UBXN7: variants seen among roughly 807,000 people sequenced by gnomAD.
The protein encoded by UBXN7 is UBX domain protein 7.
A neutral mutation model predicts 58.0 loss-of-function variants in UBXN7; 9 were observed. The observed-to-expected ratio is 0.16, with a 90% CI of 0.09 to 0.27. The LOEUF (loss-of-function observed/expected upper bound fraction) is 0.27. UBXN7 is among the 10% of genes least tolerant of loss of function. The pLI is 1.00. For missense variants in UBXN7, 328 were observed against 599.6 expected (o/e 0.55, Z 4.73); for synonymous variants, 208 against 205.0 (o/e 1.01, Z -0.12).
At chr3:196,391,763 G>A (rs1729590260) in intron 5 of UBXN7, 50 bp downstream of exon 5, 2 of 1,426,716 alleles carry the variant, frequency 1.4e-6, no homozygotes, top group Non-Finnish European at 1.9e-6. Context: ...AAAAGGCATT[G>A]AAAATGCAAA....
At position 196,371,941 on chromosome 3, in the gene UBXN7, G is replaced by A. The variant is rs781192827; in HGVS notation, c.570C>T (p.Asn190=). Residue 190 remains asparagine, a synonymous_variant, in exon 6 of 11, where the codon AAC becomes AAT. Coordinates refer to ENST00000296328, the MANE Select transcript of UBXN7 (RefSeq NM_015562.2). ...CCCGGATAATATTCTTCACAGCTTC[G>A]TTGCTCCACACATCGCGGTTGAGGC... ...CQCLNRDVWS[N]EAVKNIIREH... is the part of the protein sequence containing the mutation. 16 of 1,613,524 alleles carry A rather than the reference G, an allele frequency of 9.9e-6. No individual in the cohort carries two copies. The highest frequency in any genetic ancestry group is 3.3e-5 in the Admixed American group (2 of 59,852).
intron 10 of UBXN7, among the ~76,000 whole-genome samples, chr3:196,361,357 C>T (rs1475964349): frequency 6.6e-6 from 1 of 152,206 alleles, no homozygotes; most frequent in Non-Finnish European, 1.5e-5. Flanking sequence ...GCTTTTAACA[C>T]TGTTGAAATG....
chr3:196,368,988 A>C (rs920320257), intron 7 of UBXN7, among the ~76,000 whole-genome samples: 1 of 152,004 alleles, frequency 6.6e-6, no homozygotes. Flanking sequence ...ATGCCCGGCT[A>C]ATTTTTTTTG....
Position 196,369,402 on chromosome 3 carries a change from G to T in UBXN7, c.706+19C>A, listed in dbSNP as rs780566601. ...AGACAAGTAATAGGTTAAAAGCTGC[G>T]TGCTGATATAAATCTTACCTGTCCG... On this transcript the variant is annotated intron_variant, in intron 7 of 10. Transcript: ENST00000296328. 1 of 1,555,508 alleles carries T rather than the reference G, an allele frequency of 6.4e-7. No homozygotes were observed. Among genetic ancestry groups the T allele is most frequent in the Non-Finnish European group, 8.9e-7 (1 of 1,129,758 alleles).
intron 2 of UBXN7, among the ~76,000 whole-genome samples, chr3:196,406,432 C>T (rs1156684601): frequency 2.0e-5 from 3 of 151,780 alleles, no homozygotes; most frequent in Non-Finnish European, 2.9e-5. Context: ...AAAAACTCTA[C>T]ACAATATTAT....
intron 8 of UBXN7, among the ~76,000 whole-genome samples, chr3:196,364,523 TAACA>T (rs1728601600): frequency 6.6e-6 from 1 of 152,024 alleles, no homozygotes; most frequent in East Asian, 1.9e-4. Context: ...CGAAATTAGC[TAACA>T]AAGAGGCTCA....
chr3:196,366,021 G>C (rs542244646), intron 8 of UBXN7, among the ~76,000 whole-genome samples: 1 of 152,196 alleles, frequency 6.6e-6, no homozygotes, highest in African/African-American at 2.4e-5. Context: ...ACATTATAAA[G>C]CATTACATGG....
At chr3:196,400,236 T>C (rs952712945) in intron 3 of UBXN7, 3 of 151,874 alleles carry the variant, frequency 2.0e-5, no homozygotes, top group African/African-American at 7.3e-5. Context: ...TTAGTATTAT[T>C]ACGTAAGTTG....
At chr3:196,403,169 G>T (rs1730046102) in intron 2 of UBXN7, 150 bp from the exon 3 acceptor site, 2 of 794,996 alleles carry the variant, frequency 2.5e-6, no homozygotes, top group Non-Finnish European at 3.8e-6. Context: ...TTTTTGGGGG[G>T]GCGGTGGAGA....
intron 7 of UBXN7, among the ~76,000 whole-genome samples, chr3:196,369,022 C>T (rs1323695279): frequency 6.6e-6 from 1 of 152,118 alleles, no homozygotes; most frequent in Non-Finnish European, 1.5e-5. Context: ...GATGGGGTTT[C>T]ACCGTGTTAG....
chr3:196,417,723 TTAAAAAAAAAAAAAAAAAAA>T (rs1730543265), intron 1 of UBXN7, among the ~76,000 whole-genome samples: 1 of 78,438 alleles, frequency 1.3e-5, no homozygotes, highest in Admixed American at 1.6e-4. Flanking sequence ...GGCAAAATGG[TTAAAAAAAAAAAAAAAAAAA>T]AAAAAAAAAA....
intron 1 of UBXN7, chr3:196,431,779 C>G (rs1731060131): frequency 2.2e-6 from 1 of 445,224 alleles, no homozygotes; most frequent in Non-Finnish European, 4.5e-6. Flanking sequence ...CACGGCCGAA[C>G]CCACCGGCCT....
At position 196,355,409 on chromosome 3, in the gene UBXN7, TA is replaced by T. The variant is rs903800827; in HGVS notation, c.*1275del. The T allele has an allele frequency of 6.6e-6, 1 of 152,208 alleles. No individual in the cohort carries two copies. Among genetic ancestry groups the T allele is most frequent in the African/African-American group, 2.4e-5 (1 of 41,456 alleles). 9.4% of individuals were successfully genotyped at this position (152,208 alleles called of 1,614,324 possible). ...CACTGAAGAAAGCTTTCACCAACTC[TA>T]ATTTGATTTTGGGTTTTGTTGGCAG... is the stretch of plus-strand genomic sequence containing the variant. On this transcript the variant is annotated 3_prime_UTR_variant, in exon 11 of 11. Transcript: ENST00000296328.
rs912336863 is a variant in UBXN7 at position 196,417,277 on chromosome 3, A to G, written c.74-9884T>C. On this transcript the variant is annotated intron_variant, in intron 1 of 10. Coordinates refer to ENST00000296328, the MANE Select transcript of UBXN7 (RefSeq NM_015562.2). ...CAGTGAGCCGAGATCGCGCGACTGC[A>G]CTCCAGCCTGGGAGACAGAGCGAGA... Among the ~76,000 whole-genome samples the G allele has an allele frequency of 2.0e-5, 3 of 152,182 alleles. No homozygotes were observed. In the East Asian group the frequency reaches 5.8e-4, roughly 29 times the overall value.
chr3:196,375,219 AC>A (rs1401915256), intron 5 of UBXN7, among the ~76,000 whole-genome samples: 2 of 149,320 alleles, frequency 1.3e-5, no homozygotes, highest in Admixed American at 1.3e-4. Flanking sequence ...ACACACACAC[AC>A]ACACACGTAA....
chr3:196,387,533 T>C (rs1362793114), intron 5 of UBXN7, among the ~76,000 whole-genome samples: 1 of 152,182 alleles, frequency 6.6e-6, no homozygotes, highest in Non-Finnish European at 1.5e-5. Flanking sequence ...TTTTGCAATC[T>C]ACCCATCTGA....
intron 3 of UBXN7, chr3:196,393,910 C>T (rs112290920): frequency 5.0e-6 from 1 of 200,906 alleles, no homozygotes. Flanking sequence ...TATAATTAAT[C>T]CAAACATCTT....
chr3:196,418,750 G>A (rs1470065395), intron 1 of UBXN7, among the ~76,000 whole-genome samples: 3 of 152,034 alleles, frequency 2.0e-5, no homozygotes, highest in Non-Finnish European at 2.9e-5. Context: ...AAAACAGAAA[G>A]GATTCTACAG....
rs1728190188 is a variant in UBXN7, at chr3:196,350,731, A to T, written c.*5954T>A. On this transcript the variant is annotated 3_prime_UTR_variant, in exon 11 of 11. Transcript: ENST00000296328. ...CAAAAACCATAACCATCACTGAAAT[A>T]CCAAATCTCTATGTAACAGGAGAAA... 1 of 152,220 alleles carries T rather than the reference A, an allele frequency of 6.6e-6. No individual in the cohort carries two copies. The highest frequency in any genetic ancestry group is 2.1e-4 in the South Asian group (1 of 4,830). The allele number at this position is 152,220 out of a possible 1,614,324, so 9.4% of individuals were successfully genotyped here.
Sources: gnomAD v4.1 joint callset for allele counts (sites outside exome capture counted in the v4.1 genomes callset) on GRCh38, gnomAD v4.1.1 for gene constraint, MANE v1.5 for transcripts, NCBI Gene and HGNC (gene_info 2026-07-23, HGNC 2026-07-21) for gene names.